Variants in PCDHGA9 observed in about 807,000 individuals in gnomAD.
PCDHGA9 encodes the protein protocadherin gamma-A9.
Under a neutral mutation model 62.5 loss-of-function variants are expected in PCDHGA9, and 37 were observed. The ratio of observed to expected loss-of-function variants is 0.59; its 90% CI spans 0.46 to 0.78. PCDHGA9 has a LOEUF of 0.78. Among genes scored for constraint, PCDHGA9 ranks in the 30% least tolerant of loss-of-function variants. PCDHGA9 has a pLI of 0.00. For synonymous variants in PCDHGA9, 459 were observed against 484.6 expected (o/e 0.95, Z 0.69); for missense variants, 1,138 against 1,166.2 (o/e 0.98, Z 0.35).
chr5:141,448,806 G>A (rs1412164815), intron 1 of PCDHGA9, among the ~76,000 whole-genome samples: 1 of 152,008 alleles, frequency 6.6e-6, no homozygotes, highest in Admixed American at 6.5e-5. Context: ...TTAGCCAGGC[G>A]TGATGGCGGG....
At position 141,433,052 on chromosome 5, in the gene PCDHGA9, A is replaced by G. The variant is rs757503771; in HGVS notation, c.2424+27676A>G. The G allele has an allele frequency of 3.1e-6, 5 of 1,614,178 alleles. No individual in the cohort carries two copies. In the Admixed American group the frequency reaches 8.3e-5, roughly 27 times the overall value. ...GGTTTCCCTCACCACGGACTCGCGG[A>G]AGAGTCACCTGATCTTCCCCCAGCC... On this transcript the variant is annotated intron_variant, in intron 1 of 3. Transcript: ENST00000573521.
At chr5:141,430,396 A>G (rs1433813025) in intron 1 of PCDHGA9, among the ~76,000 whole-genome samples, 5 of 151,842 alleles carry the variant, frequency 3.3e-5, no homozygotes, top group Non-Finnish European at 7.4e-5. Context: ...AAAAAAAAAA[A>G]GCTCACTAAA....
chr5:141,496,663 G>A (rs2099770279), intron 2 of PCDHGA9, among the ~76,000 whole-genome samples: 1 of 152,196 alleles, frequency 6.6e-6, no homozygotes, highest in Admixed American at 6.5e-5. Context: ...GACCCCAGCT[G>A]TTGTCCTTCT....
At chr5:141,467,018 CTTTGT>C (rs1209768587) in intron 1 of PCDHGA9, among the ~76,000 whole-genome samples, 4 of 149,992 alleles carry the variant, frequency 2.7e-5, no homozygotes, top group African/African-American at 7.3e-5. Context: ...ATTTTTTTCC[CTTTGT>C]TTTTGTTTTT....
chr5:141,468,039 A>G (rs1007212946), intron 1 of PCDHGA9, among the ~76,000 whole-genome samples: 21 of 152,262 alleles, frequency 1.4e-4, no homozygotes, highest in African/African-American at 5.1e-4. Context: ...CATTTAGAAA[A>G]CTAAGCCGGG....
chr5:141,439,636 G>A (rs114401133), intron 1 of PCDHGA9, among the ~76,000 whole-genome samples: 27 of 152,206 alleles, frequency 1.8e-4, no homozygotes, highest in Non-Finnish European at 2.9e-4. Context: ...CAGACATTCC[G>A]GCTTGGTGGC....
At chr5:141,449,588 CAAAAAAA>C (rs768743917) in intron 1 of PCDHGA9, among the ~76,000 whole-genome samples, 5 of 57,506 alleles carry the variant, frequency 8.7e-5, no homozygotes, top group Admixed American at 3.6e-4. Flanking sequence ...GACTCTGTCT[CAAAAAAA>C]AAAAAAAAAA....
intron 1 of PCDHGA9, chr5:141,441,823 C>T (rs538052540): frequency 3.9e-5 from 14 of 357,336 alleles, no homozygotes; most frequent in Non-Finnish European, 6.6e-5. Context: ...AGCTCTGGAG[C>T]GCAATGGCTT....
intron 1 of PCDHGA9, chr5:141,422,519 C>T (rs1297821851): frequency 6.2e-7 from 1 of 1,613,968 alleles, no homozygotes; most frequent in African/African-American, 1.3e-5. Context: ...CAGGGAAGCC[C>T]GCCTTTGTCT....
At chr5:141,496,588 C>T (rs775641672) in intron 2 of PCDHGA9, among the ~76,000 whole-genome samples, 9 of 152,280 alleles carry the variant, frequency 5.9e-5, no homozygotes, top group Non-Finnish European at 1.0e-4. Context: ...GAACGCAAAG[C>T]GCTTCTTAGA....
At chr5:141,433,257 G>A (rs764036349) in intron 1 of PCDHGA9, 4 of 1,385,412 alleles carry the variant, frequency 2.9e-6, no homozygotes, top group Non-Finnish European at 4.0e-6. Context: ...GCAGCGGTAC[G>A]ATCATAGCTC....
intron 1 of PCDHGA9, chr5:141,484,875 T>G: frequency 3.2e-6 from 1 of 317,108 alleles, no homozygotes; most frequent in Non-Finnish European, 5.8e-6. Context: ...GCGTGGAGGA[T>G]AGGGTGGGCT....
At chr5:141,453,014 G>A (rs2098753820) in intron 1 of PCDHGA9, among the ~76,000 whole-genome samples, 1 of 152,206 alleles carries the variant, frequency 6.6e-6, no homozygotes, top group Non-Finnish European at 1.5e-5. Flanking sequence ...GTATAGTTAT[G>A]TGATTCATTA....
chr5:141,484,805 A>G (rs1594417928), intron 1 of PCDHGA9, among the ~76,000 whole-genome samples: 1 of 151,896 alleles, frequency 6.6e-6, no homozygotes, highest in East Asian at 1.9e-4. Context: ...CCGTGGAAAA[A>G]CATGCCGTTG....
In PCDHGA9 at chr5:141,431,627, C is replaced by T. The variant is rs769351473; in HGVS notation, c.2424+26251C>T. 2.5e-6 allele frequency: 4 copies of T among 1,614,076 alleles called. No homozygotes were observed. The South Asian group carries it at 4.4e-5, about 18-fold the overall frequency. On this transcript the variant is annotated intron_variant, in intron 1 of 3. Coordinates refer to ENST00000573521, the MANE Select transcript of PCDHGA9 (RefSeq NM_018921.3). The surrounding 1 kb of genome is among the most constrained non-coding windows in gnomAD (Gnocchi z 4.8). Reference sequence around the variant, plus strand: ...CCGGTATGTGGACGACAAGGCGGCCCAAGTTTTCAAACTAGATTGTAATTC... The same window carrying T: ...CCGGTATGTGGACGACAAGGCGGCCTAAGTTTTCAAACTAGATTGTAATTC...
In PCDHGA9 at chr5:141,432,976, C is replaced by A. The variant is rs373558125; in HGVS notation, c.2424+27600C>A. The stretch of plus-strand genomic sequence containing the variant: ...GCTTGACAGGAGCGCCGGCGTCGCA[C>A]TTTGTGGGCGTGGACGGGGTGCAGG... On this transcript the variant is annotated intron_variant, in intron 1 of 3. Coordinates refer to ENST00000573521, the MANE Select transcript of PCDHGA9 (RefSeq NM_018921.3). This position sits in a 1 kb window ranked among gnomAD's most constrained non-coding sequence, Gnocchi z 6.0. 1 of 1,614,210 alleles carries A rather than the reference C, an allele frequency of 6.2e-7. No individual in the cohort carries two copies.
intron 1 of PCDHGA9, chr5:141,410,113 A>G (rs760617436): frequency 3.4e-5 from 55 of 1,612,436 alleles, no homozygotes; most frequent in Non-Finnish European, 4.6e-5. Flanking sequence ...ACAGGGACGC[A>G]GCCCGCCAGC....
Position 141,511,176 on chromosome 5 carries a change from T to C in PCDHGA9, c.*3T>C, listed in dbSNP as rs375508988. On this transcript the variant is annotated 3_prime_UTR_variant, in exon 4 of 4. Transcript: ENST00000573521. ...CGGGCAAGAAGGAGAAGAAGTAACA[T>C]GGAGGCCAGGCCAAGAGCCACAGGG... 198 of 1,614,046 alleles carry C rather than the reference T, an allele frequency of 1.2e-4. 1 individual carries two copies. The highest frequency in any genetic ancestry group is 6.5e-5 in the Non-Finnish European group (77 of 1,179,964).
At position 141,489,876 on chromosome 5, in the gene PCDHGA9, T is replaced by C. The variant is rs2099693265; in HGVS notation, c.2425-4931T>C. ...CCCAGGCAAGACATCAGCTGGTGCT[T>C]ACTGCTGTGGATGGGGGGACCCCAG... On this transcript the variant is annotated intron_variant, in intron 1 of 3. Transcript: ENST00000573521. This position sits in a 1 kb window ranked among gnomAD's most constrained non-coding sequence, Gnocchi z 4.5. The C allele has an allele frequency of 6.2e-7, 1 of 1,614,098 alleles. No homozygotes were observed. The highest frequency in any genetic ancestry group is 1.1e-5 in the South Asian group (1 of 91,094).
Sources: gnomAD v4.1 joint callset for allele counts (sites outside exome capture counted in the v4.1 genomes callset) on GRCh38, gnomAD v4.1.1 for gene constraint, Gnocchi (gnomAD v3.1) non-coding constraint, MANE v1.5 for transcripts, NCBI Gene and HGNC (gene_info 2026-07-23, HGNC 2026-07-21) for gene names.